CEP85L: variants seen among roughly 807,000 people sequenced by gnomAD.
CEP85L encodes centrosomal protein of 85 kDa-like.
Under a neutral mutation model 100.3 loss-of-function variants are expected in CEP85L, and 60 were observed. The ratio of observed to expected loss-of-function variants is 0.60; its 90% CI spans 0.49 to 0.74. The LOEUF (loss-of-function observed/expected upper bound fraction) is 0.74. CEP85L is among the 30% of genes least tolerant of loss of function. The pLI is 0.00. For synonymous variants in CEP85L, 319 were observed against 322.7 expected (o/e 0.99, Z 0.12); for missense variants, 973 against 936.2 (o/e 1.04, Z -0.51).
intron 2 of CEP85L, among the ~76,000 whole-genome samples, chr6:118,613,567 G>T (rs1772799024): frequency 1.3e-5 from 2 of 151,940 alleles, no homozygotes; most frequent in Non-Finnish European, 2.9e-5. Flanking sequence ...GACCAGCCTG[G>T]TCAACATGGC....
At chr6:118,636,181 T>C (rs1774481829) in intron 1 of CEP85L, among the ~76,000 whole-genome samples, 1 of 152,224 alleles carries the variant, frequency 6.6e-6, no homozygotes, top group African/African-American at 2.4e-5. Flanking sequence ...GTTTGCAGAC[T>C]CCTGAGATGT....
chr6:118,546,402 C>A (rs1032364970), intron 3 of CEP85L, among the ~76,000 whole-genome samples: 2 of 152,242 alleles, frequency 1.3e-5, no homozygotes, highest in Middle Eastern at 3.4e-3. Context: ...GTTTATCCAA[C>A]TAAGTATTAC....
At chr6:118,478,743 T>C (rs560853825) in intron 10 of CEP85L, among the ~76,000 whole-genome samples, 106 of 152,280 alleles carry the variant, frequency 7.0e-4, no homozygotes, top group African/African-American at 2.5e-3. Flanking sequence ...TTCTTCTACA[T>C]ATTCATTTAT....
intron 12 of CEP85L, 122 bp from the exon 13 acceptor site, chr6:118,465,690 T>G: frequency 1.2e-6 from 1 of 811,806 alleles, no homozygotes; most frequent in East Asian, 2.6e-5. Flanking sequence ...GAGGCTCAGG[T>G]TCAAGTTATG....
At chr6:118,526,784 T>C (rs1776989337) in intron 3 of CEP85L, among the ~76,000 whole-genome samples, 1 of 152,150 alleles carries the variant, frequency 6.6e-6, no homozygotes, top group South Asian at 2.1e-4. Flanking sequence ...TGCCATAACA[T>C]AGTTTACAAA....
chr6:118,534,942 C>G (rs758226322), intron 3 of CEP85L, among the ~76,000 whole-genome samples: 52 of 152,036 alleles, frequency 3.4e-4, no homozygotes, highest in Admixed American at 8.5e-4. Context: ...ATGGCTTGAA[C>G]CTGGGAGGCA....
chr6:118,483,913 C>A lies in CEP85L; in HGVS notation c.1438-55G>T, dbSNP rs146921757. The A allele has an allele frequency of 7.1e-4, 1,065 of 1,509,426 alleles. 4 individuals carry two copies. The African/African-American group carries it at 0.013, about 19-fold the overall frequency. 93.5% of individuals were successfully genotyped at this position (1,509,426 alleles called of 1,614,324 possible). The stretch of plus-strand genomic sequence containing the variant: ...AGTTTTCAGTCATTAAAAGATATAA[C>A]AAAACCAACACTTTAATATTAGACA... On this transcript the variant is annotated intron_variant, in intron 6 of 12. Coordinates refer to ENST00000368491, the MANE Select transcript of CEP85L (RefSeq NM_001042475.3).
intron 2 of CEP85L, among the ~76,000 whole-genome samples, chr6:118,600,528 G>T (rs1161962843): frequency 2.6e-5 from 4 of 151,378 alleles, no homozygotes; most frequent in Admixed American, 2.6e-4. Context: ...CACCATATTG[G>T]TCAGGCTGGT....
chr6:118,559,976 G>C, intron 3 of CEP85L: 1 of 167,138 alleles, frequency 6.0e-6, no homozygotes. Context: ...GAAACCTTAA[G>C]ACTTCAGAAT....
chr6:118,476,762 C>A (rs948718626), intron 10 of CEP85L, among the ~76,000 whole-genome samples: 1 of 152,118 alleles, frequency 6.6e-6, no homozygotes, highest in Non-Finnish European at 1.5e-5. Flanking sequence ...GTCTTAATGT[C>A]CTCTAACGTA....
At chr6:118,662,602 TAGAG>T (rs370783664) in intron 1 of CEP85L, among the ~76,000 whole-genome samples, 2 of 151,670 alleles carry the variant, frequency 1.3e-5, no homozygotes, top group African/African-American at 4.8e-5. Context: ...AAATGAGTCA[TAGAG>T]AGGTGCCAGG....
chr6:118,485,715 G>T (rs1450865849), intron 6 of CEP85L, among the ~76,000 whole-genome samples: 1 of 152,222 alleles, frequency 6.6e-6, no homozygotes, highest in Non-Finnish European at 1.5e-5. Context: ...TCATCTGACT[G>T]AAAATCAACT....
At chr6:118,694,744 A>G (rs2114330117) in intron 1 of CEP85L, among the ~76,000 whole-genome samples, 1 of 152,334 alleles carries the variant, frequency 6.6e-6, no homozygotes, top group South Asian at 2.1e-4. Context: ...AATACAGTAC[A>G]TGATACAGAA....
chr6:118,553,891 T>C (rs930176969), intron 3 of CEP85L, among the ~76,000 whole-genome samples: 1 of 152,232 alleles, frequency 6.6e-6, no homozygotes. Flanking sequence ...AAGCCTCATT[T>C]TTCTCACCTG....
intron 3 of CEP85L, chr6:118,565,321 G>C (rs1207328128): frequency 3.4e-6 from 2 of 582,450 alleles, no homozygotes; most frequent in African/African-American, 3.7e-5. Context: ...CTAGGTACAA[G>C]GTTTTCAGAT....
In CEP85L at chr6:118,504,480, T is replaced by G. The variant is rs1343578464; in HGVS notation, c.1257+6818A>C. 5.9e-5 allele frequency among the ~76,000 whole-genome samples: 9 copies of G among 152,322 alleles called. No individual in the cohort carries two copies. In the East Asian group the frequency reaches 1.7e-3, roughly 29 times the overall value. On this transcript the variant is annotated intron_variant, in intron 5 of 12. Transcript: ENST00000368491. ...TCTAGACAGCTGAATATGTGGAAGTTCCCTCCTGAAGGGTGGCACCCCTGG... is the reference window on the plus strand; with the variant it reads ...TCTAGACAGCTGAATATGTGGAAGTGCCCTCCTGAAGGGTGGCACCCCTGG...
chr6:118,487,701 G>T (rs1353107716), intron 6 of CEP85L, among the ~76,000 whole-genome samples: 1 of 152,142 alleles, frequency 6.6e-6, no homozygotes, highest in Non-Finnish European at 1.5e-5. Flanking sequence ...CTTCTGCCTT[G>T]CCTGTCTTGG....
chr6:118,554,026 G>C (rs1221940592), intron 3 of CEP85L, among the ~76,000 whole-genome samples: 5 of 152,144 alleles, frequency 3.3e-5, no homozygotes, highest in Admixed American at 1.3e-4. Context: ...TATTAAAAAT[G>C]AGGGCCAGGC....
chr6:118,640,369 GGTTCAA>G (rs1467141985), intron 1 of CEP85L, among the ~76,000 whole-genome samples: 1 of 152,050 alleles, frequency 6.6e-6, no homozygotes, highest in African/African-American at 2.4e-5. Context: ...AGGCTACCTG[GGTTCAA>G]GTTCATTCTA....
Sources: allele counts gnomAD v4.1 joint callset (sites outside exome capture counted in the v4.1 genomes callset), GRCh38; gene constraint gnomAD v4.1.1; transcripts MANE v1.5; gene names NCBI Gene and HGNC (gene_info 2026-07-23, HGNC 2026-07-21).